The following CXCL12 variants were observed in gnomAD, a reference collection of about 807,000 sequenced individuals.
CXCL12 encodes the protein C-X-C motif chemokine ligand 12.
A neutral mutation model predicts 10.7 loss-of-function variants in CXCL12; 4 were observed. The observed-to-expected ratio is 0.37, with a 90% confidence interval of 0.18 to 0.86. CXCL12 has a LOEUF of 0.86. Among genes scored for constraint, CXCL12 ranks in the 40% least tolerant of loss-of-function variants. The pLI, the probability that CXCL12 is intolerant of heterozygous loss-of-function variation, is 0.43. For synonymous variants in CXCL12, 54 were observed against 45.4 expected, an observed-to-expected ratio of 1.19 and a Z score of -0.77; for missense variants, 122 against 110.4, an observed-to-expected ratio of 1.10 and a Z score of -0.47.
At chr10:44,377,024 C>T, downstream of CXCL12, 1 of 917,744 alleles carries the variant, frequency 1.1e-6, no homozygotes. Flanking sequence ...AGACACCTGA[C>T]TGCAGGCAGG....
downstream of CXCL12, chr10:44,374,363 C>A: frequency 2.3e-6 from 1 of 434,334 alleles, no homozygotes; most frequent in Non-Finnish European, 4.6e-6. Flanking sequence ...GCGCTTTTGT[C>A]AAGAGTCCCA....
downstream of CXCL12, chr10:44,375,824 C>T (rs551406940): frequency 2.8e-5 from 43 of 1,537,416 alleles, no homozygotes; most frequent in Non-Finnish European, 3.6e-5. Context: ...TGCTCCCCCA[C>T]GGAAGTCTGA....
chr10:44,374,308 C>T (rs910237561), downstream of CXCL12: 2 of 381,678 alleles, frequency 5.2e-6, no homozygotes, highest in South Asian at 2.0e-5. Flanking sequence ...ATGTGGAGTC[C>T]GAAGAATGCA....
intron 2 of CXCL12, among the ~76,000 whole-genome samples, chr10:44,379,736 G>A (rs1839570039): frequency 6.6e-6 from 1 of 152,232 alleles, no homozygotes; most frequent in Non-Finnish European, 1.5e-5. Context: ...AGCATGATCA[G>A]TGCTGTAAAG....
Position 44,377,623 on chromosome 10 carries a change from TGCCTCCATG to T in CXCL12, c.*1001_*1009del. 2 of 1,522,282 alleles carry T rather than the reference TGCCTCCATG, an allele frequency of 1.3e-6. No individual in the cohort carries two copies. Among genetic ancestry groups the T allele is most frequent in the Non-Finnish European group, 1.8e-6 (2 of 1,142,362 alleles). 94.3% of individuals were successfully genotyped at this position (1,522,282 alleles called of 1,614,324 possible). ...TTTCGGAAACCTCAGAGTTTGTTAG[TGCCTCCATG>T]GCATACATAGGCTTCAGAGGCAATC... On this transcript the variant is annotated 3_prime_UTR_variant, in exon 3 of 3. Coordinates refer to ENST00000343575, the MANE Select transcript of CXCL12 (RefSeq NM_199168.4).
chr10:44,371,450 G>C (rs41384348), downstream of CXCL12: 56 of 354,618 alleles, frequency 1.6e-4, no homozygotes, highest in South Asian at 1.0e-3. Context: ...TATAGTGAGA[G>C]GTTAATTTCA....
At chr10:44,371,975 GCA>G (rs1839326553), downstream of CXCL12, 1 of 152,256 alleles carries the variant, frequency 6.6e-6, no homozygotes, top group South Asian at 2.1e-4. Flanking sequence ...TCTTCACATA[GCA>G]CATTGTTCTC....
At chr10:44,376,096 A>G (rs1047079021), downstream of CXCL12, 104 of 1,581,592 alleles carry the variant, frequency 6.6e-5, no homozygotes, top group Non-Finnish European at 7.6e-5. Context: ...CTCAGTCTGC[A>G]TAAGATTTAA....
chr10:44,384,817 G>C, intron 1 of CXCL12, 128 bp downstream of exon 1: 1 of 899,262 alleles, frequency 1.1e-6, no homozygotes, highest in Non-Finnish European at 1.6e-6. Context: ...CCAGCTAAGC[G>C]AGCTGCCTCC....
Position 44,378,348 on chromosome 10 carries a change from T to TA in CXCL12, c.*284dup. ...ACTAACTGCTTGAAAATGCTGTTGA[T>TA]AATACAATTTCTTTCTTAGAAAAAC... On this transcript the variant is annotated 3_prime_UTR_variant, in exon 3 of 3. Transcript: ENST00000343575. 6.7e-7 allele frequency: 1 copy of TA among 1,502,968 alleles called. No homozygotes were observed. The highest frequency in any genetic ancestry group is 8.9e-7 in the Non-Finnish European group (1 of 1,119,924). 93.1% of individuals were successfully genotyped at this position (1,502,968 alleles called of 1,614,324 possible). A position where few individuals can be genotyped will look rare whatever the true frequency, so the allele number is the denominator to read the frequency against.
chr10:44,380,729 T>A, intron 2 of CXCL12, 34 bp downstream of exon 2: 1 of 1,537,642 alleles, frequency 6.5e-7, no homozygotes. Context: ...GATGCAACTA[T>A]GTTCGTTAGA....
downstream of CXCL12, among the ~76,000 whole-genome samples, chr10:44,376,711 C>T (rs564532871): frequency 2.6e-5 from 4 of 152,178 alleles, no homozygotes; most frequent in East Asian, 5.8e-4. Flanking sequence ...GGCCACCTGT[C>T]CCTGTGAAAG....
At chr10:44,371,102 G>C (rs1485463454), downstream of CXCL12, 21 of 225,540 alleles carry the variant, frequency 9.3e-5, no homozygotes, top group Admixed American at 1.3e-3. Flanking sequence ...GATTACAAGA[G>C]ACTTTTCCCT....
At chr10:44,374,640 A>G (rs1839404679), downstream of CXCL12, 2 of 455,974 alleles carry the variant, frequency 4.4e-6, no homozygotes, top group Non-Finnish European at 8.8e-6. Flanking sequence ...CTGTGATCAC[A>G]GGGAGCTCAT....
chr10:44,372,003 G>A (rs1437599878), downstream of CXCL12: 3 of 152,268 alleles, frequency 2.0e-5, no homozygotes, highest in Admixed American at 6.5e-5. Context: ...GAAATGTCCT[G>A]TGGGAAGGGC....
chr10:44,376,512 A>G (rs1839454848), downstream of CXCL12, among the ~76,000 whole-genome samples: 1 of 152,240 alleles, frequency 6.6e-6, no homozygotes, highest in African/African-American at 2.4e-5. Flanking sequence ...GCCATTCAGA[A>G]GAGGAGAAAA....
chr10:44,376,291 A>C (rs17883610), downstream of CXCL12, among the ~76,000 whole-genome samples: 1,629 of 152,336 alleles, frequency 0.011, 18 homozygotes, highest in Admixed American at 0.017. Flanking sequence ...TGCCAACCTG[A>C]ACCTGATTCC....
chr10:44,374,185 A>G (rs569774509), downstream of CXCL12: 23 of 338,220 alleles, frequency 6.8e-5, no homozygotes, highest in South Asian at 5.2e-4. Context: ...GATAGCAAGC[A>G]GTTTGTATCC....
chr10:44,371,208 T>C (rs1839304009), downstream of CXCL12: 1 of 238,522 alleles, frequency 4.2e-6, no homozygotes, highest in African/African-American at 2.3e-5. Flanking sequence ...ATGCAAATAA[T>C]TTTCCCTGCA....
Sources: gnomAD v4.1 joint callset for allele counts (sites outside exome capture counted in the v4.1 genomes callset) on GRCh38, gnomAD v4.1.1 for gene constraint, MANE v1.5 for transcripts, NCBI Gene and HGNC (gene_info 2026-07-23, HGNC 2026-07-21) for gene names.